RBFOX2: variants seen among roughly 807,000 people sequenced by gnomAD.
RBFOX2 encodes RNA binding protein fox-1 homolog 2.
Under a neutral mutation model 49.1 loss-of-function variants are expected in RBFOX2, and 10 were observed. The ratio of observed to expected loss-of-function variants is 0.20; its 90% CI spans 0.13 to 0.35. The LOEUF (loss-of-function observed/expected upper bound fraction) is 0.35. Among genes scored for constraint, RBFOX2 ranks in the 10% least tolerant of loss-of-function variants. RBFOX2 has a pLI of 1.00. For synonymous variants in RBFOX2, 183 were observed against 187.4 expected, an observed-to-expected ratio of 0.98 and a Z score of 0.19; for missense variants, 323 against 486.9, an observed-to-expected ratio of 0.66 and a Z score of 3.17.
chr22:35,990,345 G>T (rs2057921919), intron 1 of RBFOX2, among the ~76,000 whole-genome samples: 1 of 152,176 alleles, frequency 6.6e-6, no homozygotes, highest in Non-Finnish European at 1.5e-5. Flanking sequence ...TGGCCAAAGA[G>T]CTGTTTAAGA....
rs113460630 is a variant in RBFOX2, at chr22:35,971,487, C to T, written c.187-32590G>A. ...AAAAAATTCCTTTCCTAAATATTCA[C>T]CATCTGCGTTTAATTTGGCCATTCC... is the stretch of plus-strand genomic sequence containing the variant. On this transcript the variant is annotated intron_variant, in intron 1 of 13. Coordinates refer to the RBFOX2 transcript ENST00000438146. Among the ~76,000 whole-genome samples the T allele has an allele frequency of 5.7e-3, 867 of 152,262 alleles. 4 individuals carry two copies. The highest frequency in any genetic ancestry group is 0.017 in the Middle Eastern group (5 of 294).
At chr22:35,975,911 T>A (rs868791668) in intron 1 of RBFOX2, among the ~76,000 whole-genome samples, 8 of 152,200 alleles carry the variant, frequency 5.3e-5, no homozygotes, top group South Asian at 2.1e-4. Flanking sequence ...AGAATATTTA[T>A]AAATTATGTG....
chr22:35,762,501 CTCTT>C (rs1215661212), intron 6 of RBFOX2, among the ~76,000 whole-genome samples: 3 of 146,388 alleles, frequency 2.0e-5, no homozygotes, highest in Non-Finnish European at 1.5e-5. Flanking sequence ...AATTGGCCTC[CTCTT>C]TTTTTTTTTT....
intron 1 of RBFOX2, among the ~76,000 whole-genome samples, chr22:35,966,864 G>GT (rs932839807): frequency 2.6e-5 from 4 of 151,950 alleles, no homozygotes; most frequent in Admixed American, 2.6e-4. Flanking sequence ...CCAGGCTGGA[G>GT]TGTAGTGGTG....
chr22:35,850,799 T>C (rs1015800442), intron 1 of RBFOX2, among the ~76,000 whole-genome samples: 2 of 152,158 alleles, frequency 1.3e-5, no homozygotes, highest in African/African-American at 4.8e-5. Flanking sequence ...AACTGCTAAG[T>C]AATCCTTAGA....
chr22:35,910,003 A>G (rs2149505526), intron 1 of RBFOX2, among the ~76,000 whole-genome samples: 1 of 152,350 alleles, frequency 6.6e-6, no homozygotes, highest in Admixed American at 6.5e-5. Flanking sequence ...TTGATGATTG[A>G]CAATCATAAA....
At chr22:35,905,892 T>C (rs1054693968) in intron 1 of RBFOX2, among the ~76,000 whole-genome samples, 10 of 152,234 alleles carry the variant, frequency 6.6e-5, no homozygotes, top group African/African-American at 2.2e-4. Flanking sequence ...GCCTTGTCCA[T>C]GCTTAGATAT....
At chr22:35,954,508 C>T (rs1438948872) in intron 1 of RBFOX2, among the ~76,000 whole-genome samples, 1 of 152,196 alleles carries the variant, frequency 6.6e-6, no homozygotes, top group African/African-American at 2.4e-5. Flanking sequence ...GCTGGTCCAG[C>T]TAAGAGCTAG....
chr22:35,849,326 CACACACAG>C (rs769498225), intron 1 of RBFOX2, among the ~76,000 whole-genome samples: 4 of 148,520 alleles, frequency 2.7e-5, no homozygotes, highest in African/African-American at 7.5e-5. Context: ...CACACACACA[CACACACAG>C]ACACACAGAA....
At chr22:35,976,339 C>A (rs5756023) in intron 1 of RBFOX2, among the ~76,000 whole-genome samples, 30,363 of 147,524 alleles carry the variant, frequency 0.21, 4,351 homozygotes, top group African/African-American at 0.45. Flanking sequence ...CACCACCACC[C>A]CCCCCTCTTA....
At chr22:35,991,665 G>A (rs904460579) in intron 1 of RBFOX2, among the ~76,000 whole-genome samples, 1 of 152,156 alleles carries the variant, frequency 6.6e-6, no homozygotes, top group African/African-American at 2.4e-5. Context: ...GAAGAACCCT[G>A]AGATTCTGCA....
chr22:35,935,183 G>A (rs1219321829), intron 1 of RBFOX2, among the ~76,000 whole-genome samples: 1 of 152,044 alleles, frequency 6.6e-6, no homozygotes, highest in Admixed American at 6.6e-5. Flanking sequence ...CAATCCTCCT[G>A]CCTTGGCCTC....
chr22:36,004,480 T>C (rs1469308977), intron 1 of RBFOX2, among the ~76,000 whole-genome samples: 1 of 152,178 alleles, frequency 6.6e-6, no homozygotes, highest in Non-Finnish European at 1.5e-5. Flanking sequence ...GCTACACTCA[T>C]GGGCTTCCAA....
chr22:35,809,782 T>C, exon 2 of RBFOX2: 1 of 1,613,614 alleles, frequency 6.2e-7, no homozygotes, highest in Non-Finnish European at 8.5e-7. Context: ...CCACGTACCG[T>C]AAGAGATCCA....
intron 1 of RBFOX2, chr22:35,992,215 C>CA (rs1437436859): frequency 6.6e-6 from 1 of 152,076 alleles, no homozygotes; most frequent in East Asian, 1.9e-4. Flanking sequence ...TCATTACTAG[C>CA]AGAGGGAACG....
At chr22:35,966,967 T>C (rs1407440841) in intron 1 of RBFOX2, among the ~76,000 whole-genome samples, 1 of 151,146 alleles carries the variant, frequency 6.6e-6, no homozygotes, top group African/African-American at 2.4e-5. Context: ...CACATGGCAT[T>C]ATGCGCAGTC....
chr22:35,948,785 G>A (rs551514716), intron 1 of RBFOX2, among the ~76,000 whole-genome samples: 70 of 152,092 alleles, frequency 4.6e-4, no homozygotes, highest in African/African-American at 1.7e-3. Flanking sequence ...ATTCTTTGCA[G>A]TTTCCTTTCA....
intron 1 of RBFOX2, among the ~76,000 whole-genome samples, chr22:35,874,824 C>T (rs1205457248): frequency 6.6e-6 from 1 of 152,170 alleles, no homozygotes; most frequent in African/African-American, 2.4e-5. Flanking sequence ...GTCCCCCCAA[C>T]TCCAAGTTCC....
intron 1 of RBFOX2, among the ~76,000 whole-genome samples, chr22:36,015,690 G>C (rs1384152605): frequency 2.0e-5 from 3 of 152,156 alleles, no homozygotes; most frequent in Admixed American, 1.3e-4. Context: ...GTCTGATTAG[G>C]GGATAGCGAC....
Sources: gnomAD v4.1 joint callset for allele counts (sites outside exome capture counted in the v4.1 genomes callset) on GRCh38, gnomAD v4.1.1 for gene constraint, MANE v1.5 for transcripts, NCBI Gene and HGNC (gene_info 2026-07-23, HGNC 2026-07-21) for gene names.